Variants in DPP10 observed in about 807,000 individuals in gnomAD.
The protein encoded by DPP10 is inactive dipeptidyl peptidase 10.
In DPP10, 33 loss-of-function variants were observed where a neutral mutation model predicts 120.9. The observed-to-expected ratio is 0.27, with a 90% CI of 0.21 to 0.37. The LOEUF (loss-of-function observed/expected upper bound fraction) is 0.37, where lower values mean the gene tolerates loss of function less well. Ranked by LOEUF, DPP10 falls within the 10% of genes least tolerant of loss-of-function variation. The probability of loss-of-function intolerance (pLI) is 1.00; values close to 1 mark genes in which losing one functional copy is unlikely to be tolerated. For synonymous variants in DPP10, 337 were observed against 326.1 expected, an observed-to-expected ratio of 1.03 and a Z score of -0.36; for missense variants, 816 against 942.8, an observed-to-expected ratio of 0.87 and a Z score of 1.76.
rs1489650626 is a variant in DPP10 at position 115,093,065 on chromosome 2, C to A, written c.61-216174C>A. Among the ~76,000 whole-genome samples the A allele has an allele frequency of 9.2e-5, 14 of 152,174 alleles. No homozygotes were observed. The East Asian group carries it at 2.3e-3, about 25-fold the overall frequency. ...AAGATAAAAAGCTAGAAGATAGGAA[C>A]TAGGAAATAGTAGAGATAAGGTGAA... On this transcript the variant is annotated intron_variant, in intron 1 of 25. Transcript: ENST00000410059.
At chr2:114,943,659 A>C (rs1697138297) in intron 1 of DPP10, among the ~76,000 whole-genome samples, 1 of 152,220 alleles carries the variant, frequency 6.6e-6, no homozygotes, top group Admixed American at 6.5e-5. Flanking sequence ...TGCTGCAATA[A>C]GCATACACCT....
intron 1 of DPP10, among the ~76,000 whole-genome samples, chr2:114,560,327 A>G (rs115254656): frequency 6.6e-6 from 1 of 152,278 alleles, no homozygotes; most frequent in African/African-American, 2.4e-5. Flanking sequence ...AATTTTTTTT[A>G]AATAAAATTA....
At chr2:114,672,940 G>A (rs922548979) in intron 1 of DPP10, among the ~76,000 whole-genome samples, 4 of 152,082 alleles carry the variant, frequency 2.6e-5, no homozygotes, top group Admixed American at 6.6e-5. Context: ...AAGGAGCATG[G>A]CATGGTGTCT....
intron 1 of DPP10, among the ~76,000 whole-genome samples, chr2:114,944,817 A>G (rs1697226761): frequency 6.6e-6 from 1 of 152,182 alleles, no homozygotes; most frequent in Non-Finnish European, 1.5e-5. Context: ...GATTTTTTAA[A>G]TATTCTTATC....
At chr2:114,878,184 G>T (rs750757746) in intron 1 of DPP10, among the ~76,000 whole-genome samples, 4 of 151,990 alleles carry the variant, frequency 2.6e-5, no homozygotes, top group Non-Finnish European at 5.9e-5. Context: ...TGTGAAAAAA[G>T]TCACTCAAAC....
intron 5 of DPP10, among the ~76,000 whole-genome samples, chr2:115,528,337 A>G (rs1575101235): frequency 6.6e-6 from 1 of 151,884 alleles, no homozygotes; most frequent in Admixed American, 6.6e-5. Flanking sequence ...GTGCACATGT[A>G]CCCTAGAACT....
At chr2:115,519,551 T>TA (rs1310569410) in intron 4 of DPP10, among the ~76,000 whole-genome samples, 1 of 152,034 alleles carries the variant, frequency 6.6e-6, no homozygotes, top group Admixed American at 6.6e-5. Context: ...AAATACACAG[T>TA]AAAAAAAATT....
chr2:114,727,433 C>T (rs2105928490), intron 1 of DPP10, among the ~76,000 whole-genome samples: 1 of 152,240 alleles, frequency 6.6e-6, no homozygotes, highest in Non-Finnish European at 1.5e-5. Context: ...GTTAATAAGG[C>T]AGGACTGGAT....
At chr2:115,805,458 T>A (rs938529284) in intron 19 of DPP10, among the ~76,000 whole-genome samples, 1 of 151,812 alleles carries the variant, frequency 6.6e-6, no homozygotes. Flanking sequence ...TGTCTGGCAC[T>A]CCCCAGTGAG....
At chr2:115,467,590 A>G (rs1257709251) in intron 3 of DPP10, among the ~76,000 whole-genome samples, 2 of 152,058 alleles carry the variant, frequency 1.3e-5, no homozygotes, top group African/African-American at 4.8e-5. Flanking sequence ...GAAAAAAAAA[A>G]GAGACACTGA....
At chr2:114,506,452 A>C (rs1683664791) in intron 1 of DPP10, among the ~76,000 whole-genome samples, 1 of 152,176 alleles carries the variant, frequency 6.6e-6, no homozygotes, top group Admixed American at 6.5e-5. Context: ...GATGCCAGAC[A>C]AGAATTTAGG....
At chr2:114,479,811 C>T (rs939890525) in intron 1 of DPP10, among the ~76,000 whole-genome samples, 1 of 152,142 alleles carries the variant, frequency 6.6e-6, no homozygotes, top group Non-Finnish European at 1.5e-5. Flanking sequence ...TGGGCAAGGA[C>T]TTCATGTCTA....
intron 19 of DPP10, among the ~76,000 whole-genome samples, chr2:115,798,914 C>T (rs757831178): frequency 5.9e-5 from 9 of 152,034 alleles, no homozygotes; most frequent in Non-Finnish European, 1.0e-4. Context: ...CTAGCTGTAG[C>T]CTTCTTCATT....
chr2:115,145,152 A>T (rs1006470843), intron 1 of DPP10: 1 of 152,146 alleles, frequency 6.6e-6, no homozygotes, highest in East Asian at 1.9e-4. Context: ...TCAGAAAAAA[A>T]AAAGAAGAAA....
intron 8 of DPP10, among the ~76,000 whole-genome samples, chr2:115,731,723 G>A (rs1216983315): frequency 1.3e-5 from 2 of 152,088 alleles, no homozygotes; most frequent in Non-Finnish European, 2.9e-5. Context: ...CACACGTTTT[G>A]GGACCTAAAT....
intron 1 of DPP10, among the ~76,000 whole-genome samples, chr2:114,604,141 C>T (rs1692600452): frequency 6.6e-6 from 1 of 151,950 alleles, no homozygotes; most frequent in Non-Finnish European, 1.5e-5. Flanking sequence ...AGGGGCTGCT[C>T]ACCTAGGCAA....
chr2:114,801,733 C>T (rs1172757225), intron 1 of DPP10, among the ~76,000 whole-genome samples: 3 of 152,126 alleles, frequency 2.0e-5, no homozygotes, highest in Non-Finnish European at 4.4e-5. Context: ...TTTGCTCTGC[C>T]TATGATAAGA....
intron 5 of DPP10, among the ~76,000 whole-genome samples, chr2:115,573,253 G>A (rs1382917784): frequency 6.6e-6 from 1 of 150,718 alleles, no homozygotes; most frequent in Non-Finnish European, 1.5e-5. Context: ...CATACAGACT[G>A]CATGAAGCCC....
chr2:114,558,502 C>T (rs1688502408), intron 1 of DPP10, among the ~76,000 whole-genome samples: 1 of 152,224 alleles, frequency 6.6e-6, no homozygotes, highest in Non-Finnish European at 1.5e-5. Context: ...AGTCTTTGAA[C>T]AATCAATTTA....
Sources: allele counts gnomAD v4.1 joint callset (sites outside exome capture counted in the v4.1 genomes callset), GRCh38; gene constraint gnomAD v4.1.1; transcripts MANE v1.5; gene names NCBI Gene and HGNC (gene_info 2026-07-23, HGNC 2026-07-21).